The following RXFP2 variants were observed in gnomAD, a reference collection of about 807,000 sequenced individuals.
RXFP2 encodes relaxin receptor 2.
A neutral mutation model predicts 88.6 loss-of-function variants in RXFP2; 68 were observed. The ratio of observed to expected loss-of-function variants is 0.77; its 90% confidence interval spans 0.63 to 0.94. The LOEUF is 0.94. Ranked by LOEUF, RXFP2 falls within the 40% of genes least tolerant of loss-of-function variation. The pLI is 0.00. For synonymous variants in RXFP2, 329 were observed against 306.8 expected, an observed-to-expected ratio of 1.07 and a Z score of -0.76; for missense variants, 791 against 893.9, an observed-to-expected ratio of 0.88 and a Z score of 1.47.
chr13:31,754,002 T>TG (rs1241268786), intron 1 of RXFP2, among the ~76,000 whole-genome samples: 1 of 152,192 alleles, frequency 6.6e-6, no homozygotes, highest in Admixed American at 6.6e-5. Flanking sequence ...GATGCCACTC[T>TG]GGGGTGGAAA....
chr13:31,782,979 G>T (rs187295553), intron 11 of RXFP2, among the ~76,000 whole-genome samples: 1 of 152,280 alleles, frequency 6.6e-6, no homozygotes, highest in East Asian at 1.9e-4. Flanking sequence ...TTTTCTTTGG[G>T]TGATTTCTTA....
chr13:31,777,233 G>A (rs1873030743), intron 7 of RXFP2, 143 bp from the exon 8 acceptor site: 1 of 650,924 alleles, frequency 1.5e-6, no homozygotes, highest in South Asian at 1.8e-5. Flanking sequence ...TCCAACCACA[G>A]ACGGAAGGAA....
chr13:31,759,236 C>T (rs1431543012), intron 2 of RXFP2, among the ~76,000 whole-genome samples: 3 of 150,752 alleles, frequency 2.0e-5, no homozygotes, highest in East Asian at 1.9e-4. Flanking sequence ...TGATGATAAA[C>T]CTGTATGTAA....
At chr13:31,787,802 G>T (rs1431824124) in intron 13 of RXFP2, among the ~76,000 whole-genome samples, 3 of 152,148 alleles carry the variant, frequency 2.0e-5, no homozygotes, top group Non-Finnish European at 4.4e-5. Context: ...GCCATGCCAG[G>T]CTACTTTTTT....
chr13:31,777,483 T>C, intron 8 of RXFP2, 36 bp downstream of exon 8: 1 of 1,413,216 alleles, frequency 7.1e-7, no homozygotes, highest in Non-Finnish European at 1.0e-6. Context: ...CATCTATCGA[T>C]ACATTGCAAT....
At position 31,794,352 on chromosome 13, in the gene RXFP2, C is replaced by G. The variant is rs11838771; in HGVS notation, c.1786+1264C>G. 5.1e-3 allele frequency among the ~76,000 whole-genome samples: 720 copies of G among 140,618 alleles called. 6 individuals are homozygous for G. Among genetic ancestry groups the G allele is most frequent in the African/African-American group, 0.018 (677 of 37,594 alleles). 92.3% of individuals were successfully genotyped at this position (140,618 alleles called of 152,430 possible). A position where few individuals can be genotyped will look rare whatever the true frequency, so the allele number is the denominator to read the frequency against. On this transcript the variant is annotated intron_variant, in intron 16 of 17. Coordinates refer to ENST00000298386, the MANE Select transcript of RXFP2 (RefSeq NM_130806.5). Reference sequence around the variant, plus strand: ...AACATAGGTGCACTTAATAGAGACTCTCCCTGAAACACACACCACACACAC... The same window carrying G: ...AACATAGGTGCACTTAATAGAGACTGTCCCTGAAACACACACCACACACAC...
At chr13:31,793,120 C>T in intron 16 of RXFP2, 32 bp downstream of exon 16, 1 of 1,554,652 alleles carries the variant, frequency 6.4e-7, no homozygotes, top group South Asian at 1.1e-5. Context: ...CCTGGAAAAA[C>T]ATAATTTTGC....
At chr13:31,798,367 T>G (rs968376808) in intron 17 of RXFP2, among the ~76,000 whole-genome samples, 2 of 152,162 alleles carry the variant, frequency 1.3e-5, no homozygotes, top group African/African-American at 4.8e-5. Flanking sequence ...TCAGGCCGTG[T>G]AGGATACGAA....
chr13:31,790,975 C>T (rs1035163464), intron 14 of RXFP2, among the ~76,000 whole-genome samples: 4 of 152,108 alleles, frequency 2.6e-5, no homozygotes, highest in Non-Finnish European at 5.9e-5. Flanking sequence ...GGTCTGATAC[C>T]AGGCAGCCTT....
intron 11 of RXFP2, among the ~76,000 whole-genome samples, chr13:31,783,917 A>G (rs1873401082): frequency 6.6e-6 from 1 of 151,816 alleles, no homozygotes; most frequent in Non-Finnish European, 1.5e-5. Context: ...CCTGGGTTCA[A>G]GTGATCCTCC....
intron 17 of RXFP2, among the ~76,000 whole-genome samples, chr13:31,801,405 A>T (rs537414015): frequency 1.3e-5 from 2 of 152,172 alleles, no homozygotes; most frequent in East Asian, 3.9e-4. Context: ...GATGAAGTTG[A>T]GGAAGCATAA....
At chr13:31,776,724 C>T (rs144965503) in intron 7 of RXFP2, among the ~76,000 whole-genome samples, 14 of 152,314 alleles carry the variant, frequency 9.2e-5, no homozygotes, top group African/African-American at 3.1e-4. Flanking sequence ...TTCTCCCACT[C>T]CTGCCCTCAC....
Position 31,788,939 on chromosome 13 carries a change from G to A in RXFP2, c.1074-183G>A, listed in dbSNP as rs570222473. Among the ~76,000 whole-genome samples the A allele has an allele frequency of 3.3e-5, 5 of 152,238 alleles. No individual in the cohort carries two copies. The South Asian group carries it at 6.2e-4, about 19-fold the overall frequency. ...CTGCATGTGAAATGACACAATCAGC[G>A]CCAAACTGCAGGAGGCATAAATAGA... On this transcript the variant is annotated intron_variant, in intron 13 of 17. Transcript: ENST00000298386.
intron 5 of RXFP2, among the ~76,000 whole-genome samples, chr13:31,773,848 GA>G (rs1173947811): frequency 6.6e-6 from 1 of 152,098 alleles, no homozygotes; most frequent in Non-Finnish European, 1.5e-5. Context: ...AAGAGAAATG[GA>G]AGCCATTCAA....
Position 31,797,340 on chromosome 13 carries a change from T to G in RXFP2, c.1926T>G (p.Phe642Leu), listed in dbSNP as rs1228577866. Residue 642 changes from phenylalanine (F) to leucine (L), a missense_variant, in exon 17 of 18, where the codon TTT (phenylalanine) becomes TTG (leucine). By Grantham distance (22) the Phe-to-Leu change is conservative. Transcript: ENST00000298386. ...TGGCTGTTGCAAATCGTTTCTTTTT[T>G]ATAGTGTTCTCTGATGCCATCTGCT... Reference protein sequence around the residue: ...REVAVANRFFFIVFSDAICWI... With the variant: ...REVAVANRFFLIVFSDAICWI... 1.2e-6 allele frequency: 2 copies of G among 1,614,042 alleles called. No individual in the cohort carries two copies. The highest frequency in any genetic ancestry group is 1.7e-6 in the Non-Finnish European group (2 of 1,180,018).
chr13:31,789,330 C>T (rs887001293), intron 14 of RXFP2, 137 bp downstream of exon 14: 13 of 685,864 alleles, frequency 1.9e-5, no homozygotes, highest in Admixed American at 2.1e-5. Flanking sequence ...AATTTTGTCA[C>T]CTTTGGTCCC....
At chr13:31,799,078 T>C (rs944296605) in intron 17 of RXFP2, among the ~76,000 whole-genome samples, 7 of 152,190 alleles carry the variant, frequency 4.6e-5, no homozygotes, top group African/African-American at 1.7e-4. Flanking sequence ...CTTATTCTTC[T>C]GTGCATTTTC....
intron 10 of RXFP2, 94 bp from the exon 11 acceptor site, chr13:31,782,582 A>G: frequency 1.1e-6 from 1 of 931,042 alleles, no homozygotes; most frequent in Non-Finnish European, 1.8e-6. Context: ...AAGGAGGCTT[A>G]TAAAATTCTG....
At chr13:31,757,881 C>T (rs1009707475) in intron 1 of RXFP2, among the ~76,000 whole-genome samples, 2 of 152,152 alleles carry the variant, frequency 1.3e-5, no homozygotes, top group Non-Finnish European at 2.9e-5. Context: ...ATCACATGGT[C>T]AGGAGTTTGA....
Sources: allele counts gnomAD v4.1 joint callset (sites outside exome capture counted in the v4.1 genomes callset), GRCh38; gene constraint gnomAD v4.1.1; transcripts MANE v1.5; gene names NCBI Gene and HGNC (gene_info 2026-07-23, HGNC 2026-07-21).